Variants in RENBP observed in about 807,000 individuals in gnomAD.
The protein encoded by RENBP is N-acylglucosamine 2-epimerase.
In RENBP, 16 loss-of-function variants were observed where a neutral mutation model predicts 37.8. The ratio of observed to expected loss-of-function variants is 0.42; its 90% confidence interval spans 0.29 to 0.64. The LOEUF is 0.64. RENBP is among the 30% of genes least tolerant of loss of function. The pLI, the probability that RENBP is intolerant of heterozygous loss-of-function variation, is 0.19. For synonymous variants in RENBP, 170 were observed against 154.8 expected, an observed-to-expected ratio of 1.10 and a Z score of -0.73; for missense variants, 347 against 379.5, an observed-to-expected ratio of 0.91 and a Z score of 0.71.
At chrX:153,940,335 G>T in intron 8 of RENBP, 102 bp from the exon 9 acceptor site, 2 of 1,030,099 alleles carry the variant, frequency 1.9e-6, no homozygotes, top group Non-Finnish European at 2.7e-6. Context: ...GAGGTGAATT[G>T]CGGGACATCT....
At chrX:153,938,773 AT>A (rs1412401323) in intron 9 of RENBP, among the ~76,000 whole-genome samples, 1 of 94,142 alleles carries the variant, frequency 1.1e-5, no homozygotes, top group Non-Finnish European at 2.0e-5. Flanking sequence ...TCTCAGCAGC[AT>A]CTGTACTGTT....
At position 153,944,599 on chromosome X, in the gene RENBP, AC is replaced by A; in HGVS notation, c.11del (p.Gly4ValfsTer115). 8.6e-7 allele frequency: 1 copy of A among 1,165,092 alleles called. No homozygotes were observed. The highest frequency in any genetic ancestry group is 3.3e-5 in the East Asian group (1 of 30,653). MSK[G>X]LPARQDMEKE... ...CACCACTGGCCTGTCGCGCTGGGAG[AC>A]CCTTGCTCATCCCTCCTGCTCCTCT... is the stretch of plus-strand genomic sequence containing the variant. On this transcript the variant is annotated frameshift_variant, in exon 1 of 11. Coordinates refer to ENST00000393700, the MANE Select transcript of RENBP (RefSeq NM_002910.6). LOFTEE classifies it high-confidence loss of function.
At chrX:153,937,147 G>A (rs1557108715) in intron 9 of RENBP, 1 of 122,940 alleles carries the variant, frequency 8.1e-6, no homozygotes, top group Admixed American at 9.1e-5. Flanking sequence ...GCTGCACTGA[G>A]CCATGATTGT....
intron 9 of RENBP, among the ~76,000 whole-genome samples, chrX:153,936,790 G>T (rs2065204868): frequency 1.8e-5 from 2 of 111,882 alleles, no homozygotes; most frequent in Non-Finnish European, 3.8e-5. Context: ...AGGCTTGTCA[G>T]TTCAGCCCCT....
Position 153,935,336 on chromosome X carries a change from C to A in RENBP, c.1234G>T (p.Ala412Ser), listed in dbSNP as rs1169810488. The change falls in exon 11 of 11, where the codon GCC becomes TCC. Residue 412 changes from alanine to serine, a missense_variant. Ala to Ser is a moderately conservative substitution (Grantham distance 99). Coordinates refer to ENST00000393700, the MANE Select transcript of RENBP (RefSeq NM_002910.6). ...EMLGALLSRP[A>S]PAPSPAPTPA... is the part of the protein sequence containing the mutation. Reference sequence around the variant, plus strand: ...GTGGGGGCGGGGGAGGGGGCGGGGGCGGGGCGGCTCAGCAGGGCGCCCAGC... The same window carrying A: ...GTGGGGGCGGGGGAGGGGGCGGGGGAGGGGCGGCTCAGCAGGGCGCCCAGC... 1.2e-5 allele frequency: 12 copies of A among 1,009,218 alleles called. No individual in the cohort carries two copies. Among genetic ancestry groups the A allele is most frequent in the South Asian group, 2.7e-5 (1 of 37,562 alleles). The allele number at this position is 1,009,218 out of a possible 1,213,427, so 83.2% of individuals were successfully genotyped here. A position where few individuals can be genotyped will look rare whatever the true frequency, so the allele number is the denominator to read the frequency against.
intron 9 of RENBP, 51 bp downstream of exon 9, chrX:153,940,051 C>G: frequency 8.4e-7 from 1 of 1,192,531 alleles, no homozygotes. Flanking sequence ...GGGCCAGACT[C>G]CCCCCATTCC....
intron 9 of RENBP, among the ~76,000 whole-genome samples, chrX:153,936,460 C>G (rs1436197359): frequency 8.0e-5 from 8 of 100,061 alleles, no homozygotes; most frequent in Non-Finnish European, 1.6e-4. Flanking sequence ...GAGCCAAGAT[C>G]GCGCCACTGC....
intron 6 of RENBP, 196 bp from the exon 7 acceptor site, chrX:153,942,227 G>GT (rs1404036757): frequency 1.3e-3 from 168 of 131,466 alleles, no homozygotes; most frequent in African/African-American, 1.4e-3. Flanking sequence ...CTAGCAAGTT[G>GT]TTGTTTTTTT....
At chrX:153,937,850 C>G (rs1557108835) in intron 9 of RENBP, among the ~76,000 whole-genome samples, 1 of 111,089 alleles carries the variant, frequency 9.0e-6, no homozygotes, top group Admixed American at 9.6e-5. Context: ...CTGCCTCGGC[C>G]TTTCAAAGTG....
In RENBP at chrX:153,943,975, G is replaced by A. The variant is rs180831215; in HGVS notation, c.214-5C>T. ...CAGGCGACAATACATCCATACCTGC[G>A]GGGTACGGGAGGGAAAGTGGCTTAA... On this transcript the variant is annotated splice_region_variant and splice_polypyrimidine_tract_variant and intron_variant, in intron 3 of 10. Transcript: ENST00000393700. 1,098 of 1,202,889 alleles carry A rather than the reference G, an allele frequency of 9.1e-4. 2 individuals are homozygous for A. The highest frequency in any genetic ancestry group is 5.1e-4 in the Non-Finnish European group (455 of 890,978).
intron 9 of RENBP, among the ~76,000 whole-genome samples, chrX:153,938,218 A>G (rs977819462): frequency 1.7e-4 from 19 of 112,463 alleles, no homozygotes; most frequent in Non-Finnish European, 3.4e-4. Context: ...TGACGAATAT[A>G]TGTGATACTT....
Position 153,935,278 on chromosome X carries a change from C to T in RENBP, c.*8G>A, listed in dbSNP as rs1557108233. The T allele has an allele frequency of 1.3e-6, 1 of 776,504 alleles. No individual in the cohort carries two copies. The highest frequency in any genetic ancestry group is 5.1e-5 in the Admixed American group (1 of 19,774). 64.0% of individuals were successfully genotyped at this position (776,504 alleles called of 1,213,427 possible). A position where few individuals can be genotyped will look rare whatever the true frequency, so the allele number is the denominator to read the frequency against. On this transcript the variant is annotated 3_prime_UTR_variant, in exon 11 of 11. Transcript: ENST00000393700. The stretch of plus-strand genomic sequence containing the variant: ...CGCGCACAGCCGCAGGTGGAGCGGA[C>T]TCAGCCTTTATTCCGCGCCTCGGCA...
chrX:153,944,218 G>T, intron 2 of RENBP, 63 bp from the exon 3 acceptor site: 1 of 1,182,269 alleles, frequency 8.5e-7, no homozygotes, highest in Non-Finnish European at 1.1e-6. Flanking sequence ...TGCCCCTCTG[G>T]GGCCAGCAAA....
Position 153,944,372 on chromosome X carries a change from A to G in RENBP, c.74T>C (p.Val25Ala). The G allele has an allele frequency of 8.3e-7, 1 of 1,211,107 alleles. No homozygotes were observed. Among genetic ancestry groups the G allele is most frequent in the Non-Finnish European group, 1.1e-6 (1 of 895,195 alleles). Residue 25 changes from valine to alanine, a missense_variant, in exon 2 of 11, where the codon GTG becomes GCG. Physicochemically the swap from Val to Ala is moderately conservative, Grantham distance 64. Transcript: ENST00000393700. ...RETLQAWKER[V>A]GQELDRVVAF... Reference sequence around the variant, plus strand: ...CACCACGCGGTCCAGCTCCTGCCCCACGCGCTCCTTCCAGGCCTGCAGAGT... The same window carrying G: ...CACCACGCGGTCCAGCTCCTGCCCCGCGCGCTCCTTCCAGGCCTGCAGAGT...
intron 9 of RENBP, among the ~76,000 whole-genome samples, chrX:153,939,627 C>A (rs2065217912): frequency 9.0e-6 from 1 of 111,391 alleles, no homozygotes; most frequent in South Asian, 3.8e-4. Flanking sequence ...AGCCCCAGGA[C>A]CCAGGTAACA....
chrX:153,938,103 T>C (rs1018534163), intron 9 of RENBP, among the ~76,000 whole-genome samples: 6 of 112,637 alleles, frequency 5.3e-5, no homozygotes, highest in African/African-American at 1.9e-4. Flanking sequence ...ATTCCTTCAA[T>C]TTCATTTTTG....
chrX:153,936,775 C>T (rs1461376117), intron 9 of RENBP, among the ~76,000 whole-genome samples: 5 of 111,804 alleles, frequency 4.5e-5, no homozygotes, highest in Non-Finnish European at 9.4e-5. Flanking sequence ...GCACCTGTCT[C>T]AGGGAGGCTT....
chrX:153,941,332 C>T, intron 8 of RENBP, 146 bp downstream of exon 8: 1 of 581,828 alleles, frequency 1.7e-6, no homozygotes, highest in Non-Finnish European at 2.7e-6. Context: ...ATCACGACCC[C>T]TTTCCTGTAA....
In RENBP at chrX:153,942,050, A is replaced by G. The variant is rs782096926; in HGVS notation, c.688-19T>C. On this transcript the variant is annotated intron_variant, in intron 6 of 10. Coordinates refer to ENST00000393700, the MANE Select transcript of RENBP (RefSeq NM_002910.6). ...CATCCCTCTACCGGGAAGGAGCAGA[A>G]GGGAATGTTGCCTCCAGCCCTTTCA... 3.4e-6 allele frequency: 4 copies of G among 1,163,201 alleles called. No individual in the cohort carries two copies. Among genetic ancestry groups the G allele is most frequent in the Non-Finnish European group, 3.5e-6 (3 of 853,586 alleles).
Sources: gnomAD v4.1 joint callset for allele counts (sites outside exome capture counted in the v4.1 genomes callset) on GRCh38, gnomAD v4.1.1 for gene constraint, MANE v1.5 for transcripts, NCBI Gene and HGNC (gene_info 2026-07-23, HGNC 2026-07-21) for gene names.